Variants in SEMA4D observed in about 807,000 individuals in gnomAD.
SEMA4D encodes semaphorin-4D.
Under a neutral mutation model 74.8 loss-of-function variants are expected in SEMA4D, and 22 were observed. That is an observed-to-expected ratio of 0.29 (90% confidence interval 0.21 to 0.42). The LOEUF (loss-of-function observed/expected upper bound fraction) is 0.42, where lower values mean the gene tolerates loss of function less well. Ranked by LOEUF, SEMA4D falls within the 10% of genes least tolerant of loss-of-function variation. SEMA4D has a pLI of 1.00. For synonymous variants in SEMA4D, 445 were observed against 463.7 expected (o/e 0.96, Z 0.52); for missense variants, 937 against 1,118.4 (o/e 0.84, Z 2.31).
chr9:89,454,194 G>C (rs1031822042), intron 2 of SEMA4D, among the ~76,000 whole-genome samples: 3 of 152,268 alleles, frequency 2.0e-5, no homozygotes, highest in African/African-American at 7.2e-5. Flanking sequence ...AAGACCAGGA[G>C]GGCCAAGGCA....
At chr9:89,402,840 A>G in intron 4 of SEMA4D, 31 bp downstream of exon 4, 1 of 1,602,082 alleles carries the variant, frequency 6.2e-7, no homozygotes, top group Non-Finnish European at 8.5e-7. Flanking sequence ...AAGCTGGGCT[A>G]TGTGGACATG....
intron 2 of SEMA4D, among the ~76,000 whole-genome samples, chr9:89,444,427 G>A (rs1852350687): frequency 6.6e-6 from 1 of 152,214 alleles, no homozygotes; most frequent in Admixed American, 6.5e-5. Context: ...CACTTGCTCT[G>A]CAGCCGCTAC....
At chr9:89,390,461 C>T (rs1839605068) in intron 9 of SEMA4D, among the ~76,000 whole-genome samples, 1 of 152,202 alleles carries the variant, frequency 6.6e-6, no homozygotes, top group African/African-American at 2.4e-5. Flanking sequence ...CAGGTGTGCA[C>T]ATCACCCAAC....
chr9:89,361,685 G>T (rs900091134), exon 19 of SEMA4D: 1 of 152,228 alleles, frequency 6.6e-6, no homozygotes, highest in Non-Finnish European at 1.5e-5. Context: ...GTGTCCTGTT[G>T]CAGAAGCTGA....
At chr9:89,417,336 T>A (rs1273752501) in intron 2 of SEMA4D, among the ~76,000 whole-genome samples, 1 of 152,232 alleles carries the variant, frequency 6.6e-6, no homozygotes, top group Non-Finnish European at 1.5e-5. Context: ...GCTGTCTCCC[T>A]GGCAGTGATG....
intron 1 of SEMA4D, among the ~76,000 whole-genome samples, chr9:89,461,109 T>C (rs565131409): frequency 4.0e-5 from 6 of 151,732 alleles, no homozygotes; most frequent in Non-Finnish European, 7.4e-5. Flanking sequence ...CGAAAGAAAA[T>C]GTGCATCTCA....
At chr9:89,485,788 CAAAAAAAAAAAAAAAAAAAAAAAAAAG>C (rs1424765847) in intron 1 of SEMA4D, among the ~76,000 whole-genome samples, 2 of 76,840 alleles carry the variant, frequency 2.6e-5, no homozygotes, top group Non-Finnish European at 4.9e-5. Flanking sequence ...AACTCCATCT[CAAAAAAAAAAAAAAAAAAAAAAAAAAG>C]AAAAAAAAAA....
downstream of SEMA4D, among the ~76,000 whole-genome samples, chr9:89,375,751 TG>T (rs1202090962): frequency 6.6e-6 from 1 of 152,238 alleles, no homozygotes; most frequent in Non-Finnish European, 1.5e-5. Context: ...AGTGTGGTTC[TG>T]GACATCTACT....
intron 13 of SEMA4D, chr9:89,385,348 C>T: frequency 4.1e-6 from 4 of 985,380 alleles, no homozygotes; most frequent in Non-Finnish European, 4.8e-6. Context: ...GGTGCCTGCC[C>T]AGTCTGGCTG....
intron 1 of SEMA4D, among the ~76,000 whole-genome samples, chr9:89,470,807 G>A (rs1471063275): frequency 6.6e-6 from 1 of 152,198 alleles, no homozygotes; most frequent in Non-Finnish European, 1.5e-5. Flanking sequence ...AAAAGGCTAT[G>A]TACTGCGTGG....
intron 1 of SEMA4D, among the ~76,000 whole-genome samples, chr9:89,461,696 T>TTCTCTTTTTTC (rs1564875745): frequency 9.9e-6 from 1 of 100,928 alleles, no homozygotes; most frequent in African/African-American, 3.8e-5. Context: ...TATTTCTTTT[T>TTCTCTTTTTTC]TCTCTTTTTT....
rs749652758 is a variant in SEMA4D at position 89,379,618 on chromosome 9, CTTTACT to C, written c.1669_1674del (p.Ser557_Lys558del). 6.7e-4 allele frequency: 1,074 copies of C among 1,607,544 alleles called. No homozygotes were observed. The highest frequency in any genetic ancestry group is 8.6e-4 in the Non-Finnish European group (1,015 of 1,175,592). On this transcript the variant is annotated inframe_deletion, in exon 16 of 16. Transcript: ENST00000422704. ...TTGAAAAAATGCTGCCGGTAACTTC[CTTTACT>C]TTTATCTGGAACATCAAAATAAACG...
intron 3 of SEMA4D, 144 bp from the exon 4 acceptor site, chr9:89,403,160 G>T (rs34910857): frequency 0.22 from 206,458 of 926,536 alleles, 25,316 homozygotes; most frequent in Non-Finnish European, 0.24. Flanking sequence ...ATGTGTTGCT[G>T]CAACAGGCAC....
At chr9:89,420,369 T>C (rs1241784558) in intron 2 of SEMA4D, among the ~76,000 whole-genome samples, 1 of 152,228 alleles carries the variant, frequency 6.6e-6, no homozygotes, top group East Asian at 1.9e-4. Flanking sequence ...ATCATGCTGT[T>C]TTAACTCATA....
chr9:89,394,785 T>C (rs1262308244), intron 6 of SEMA4D, among the ~76,000 whole-genome samples: 1 of 152,238 alleles, frequency 6.6e-6, no homozygotes, highest in Non-Finnish European at 1.5e-5. Flanking sequence ...GATGTGACCA[T>C]TTAGCATACC....
chr9:89,405,819 G>A (rs1009451771), intron 2 of SEMA4D, 120 bp from the exon 3 acceptor site: 20 of 1,294,632 alleles, frequency 1.5e-5, no homozygotes, highest in South Asian at 5.5e-5. Flanking sequence ...TGAGGAATAC[G>A]GAAGGCAGCG....
At chr9:89,389,721 A>G (rs1359107375) in intron 9 of SEMA4D, among the ~76,000 whole-genome samples, 1 of 152,276 alleles carries the variant, frequency 6.6e-6, no homozygotes, top group African/African-American at 2.4e-5. Flanking sequence ...AATATGAAAT[A>G]GAAGCAGCCT....
chr9:89,374,985 G>A (rs138348294), downstream of SEMA4D, among the ~76,000 whole-genome samples: 10,251 of 152,258 alleles, frequency 0.067, 400 homozygotes, highest in African/African-American at 0.11. Flanking sequence ...CCTGGGAGGC[G>A]AAGCTTGCAG....
intron 1 of SEMA4D, among the ~76,000 whole-genome samples, chr9:89,489,015 A>C (rs1825419974): frequency 6.6e-6 from 1 of 152,236 alleles, no homozygotes; most frequent in African/African-American, 2.4e-5. Context: ...AATATACACA[A>C]ATAGCTAATA....
Sources: gnomAD v4.1 joint callset for allele counts (sites outside exome capture counted in the v4.1 genomes callset) on GRCh38, gnomAD v4.1.1 for gene constraint, MANE v1.5 for transcripts, NCBI Gene and HGNC (gene_info 2026-07-23, HGNC 2026-07-21) for gene names.